The following KIF3B variants were observed in gnomAD, a reference collection of about 807,000 sequenced individuals.
KIF3B encodes the protein kinesin family member 3B.
Under a neutral mutation model 74.3 loss-of-function variants are expected in KIF3B, and 38 were observed. That is an observed-to-expected ratio of 0.51 (90% CI 0.39 to 0.67). KIF3B has a LOEUF of 0.67. Among genes scored for constraint, KIF3B ranks in the 30% least tolerant of loss-of-function variants. KIF3B has a pLI of 0.00. For missense variants in KIF3B, 649 were observed against 932.0 expected (o/e 0.70, Z 3.95); for synonymous variants, 326 against 342.5 (o/e 0.95, Z 0.53).
chr20:32,286,079 T>G (rs1406039462), intron 1 of KIF3B, among the ~76,000 whole-genome samples: 3 of 152,190 alleles, frequency 2.0e-5, no homozygotes, highest in Non-Finnish European at 4.4e-5. Flanking sequence ...ATTTTTAAAG[T>G]TTTTGGCAAG....
chr20:32,320,063 T>A (rs2047851672), intron 5 of KIF3B, among the ~76,000 whole-genome samples: 1 of 151,808 alleles, frequency 6.6e-6, no homozygotes, highest in Non-Finnish European at 1.5e-5. Flanking sequence ...CCCAGCTAAT[T>A]TTTGTATTTT....
In KIF3B at chr20:32,310,836, C is replaced by T; in HGVS notation, c.1059C>T (p.Ala353=). The T allele has an allele frequency of 6.2e-7, 1 of 1,614,008 alleles. No homozygotes were observed. Among genetic ancestry groups the T allele is most frequent in the South Asian group, 1.1e-5 (1 of 91,074 alleles). ...GGGTCAATGAGGACCCCAAGGATGC[C>T]CTCCTTCGAGAATTCCAGGAAGAGA... ...KPRVNEDPKD[A]LLREFQEEIA... The change falls in exon 2 of 9, where the codon GCC becomes GCT. Residue 353 remains alanine, a synonymous_variant. Coordinates refer to ENST00000375712, the MANE Select transcript of KIF3B (RefSeq NM_004798.4). The surrounding 1 kb of genome is among the most constrained non-coding windows in gnomAD (Gnocchi z 6.5).
At chr20:32,288,353 A>G (rs1431788182) in intron 1 of KIF3B, among the ~76,000 whole-genome samples, 1 of 152,052 alleles carries the variant, frequency 6.6e-6, no homozygotes, top group African/African-American at 2.4e-5. Context: ...ACCCGGGTGC[A>G]GTGGCTTGCA....
At chr20:32,292,656 G>T (rs1405071844) in intron 1 of KIF3B, among the ~76,000 whole-genome samples, 1 of 151,870 alleles carries the variant, frequency 6.6e-6, no homozygotes, top group East Asian at 1.9e-4. Flanking sequence ...TACTCTGGAG[G>T]CTGAGGTGGG....
At chr20:32,302,404 A>G (rs2047748476) in intron 1 of KIF3B, among the ~76,000 whole-genome samples, 1 of 152,222 alleles carries the variant, frequency 6.6e-6, no homozygotes, top group African/African-American at 2.4e-5. Context: ...GATTTTTAAG[A>G]TTAATGTAGG....
intron 1 of KIF3B, among the ~76,000 whole-genome samples, chr20:32,304,557 T>C (rs1353688742): frequency 1.3e-5 from 2 of 152,122 alleles, no homozygotes; most frequent in African/African-American, 4.8e-5. Context: ...AGCAGTGACA[T>C]AAATTATGGT....
At chr20:32,293,148 G>A (rs2047701203) in intron 1 of KIF3B, among the ~76,000 whole-genome samples, 1 of 151,932 alleles carries the variant, frequency 6.6e-6, no homozygotes, top group Non-Finnish European at 1.5e-5. Flanking sequence ...CAGGTACTTG[G>A]GAGTCTGAGG....
At position 32,316,063 on chromosome 20, in the gene KIF3B, A is replaced by G. The variant is rs553620177; in HGVS notation, c.1405-155A>G. 7.2e-5 allele frequency among the ~76,000 whole-genome samples: 11 copies of G among 152,240 alleles called. No homozygotes were observed. In the South Asian group the frequency reaches 8.3e-4, roughly 11 times the overall value. ...AAGCTGCCCCAGTCCCTCACCAGTG[A>G]TGGATGGGCACAGCTGAGCACAGTG... On this transcript the variant is annotated intron_variant, in intron 2 of 8. Transcript: ENST00000375712.
intron 3 of KIF3B, 90 bp from the exon 4 acceptor site, chr20:32,316,437 A>G: frequency 6.3e-7 from 1 of 1,586,118 alleles, no homozygotes; most frequent in Non-Finnish European, 8.6e-7. Flanking sequence ...TGTCTGCCTC[A>G]TCCTAGCTGG....
rs1379506082 is a variant in KIF3B, at chr20:32,328,150, G to A, written c.1968+489G>A. Among the ~76,000 whole-genome samples the A allele has an allele frequency of 4.6e-5, 7 of 151,952 alleles. 2 individuals are homozygous for A. In the South Asian group the frequency reaches 8.3e-4, roughly 18 times the overall value. The stretch of plus-strand genomic sequence containing the variant: ...AAAAATAATAACTAATAGGCCGGGC[G>A]CAGTGGCTGATGCCTGTAATCCCAG... On this transcript the variant is annotated intron_variant, in intron 7 of 8. Transcript: ENST00000375712.
chr20:32,312,745 T>C (rs941801222), intron 2 of KIF3B, among the ~76,000 whole-genome samples: 51 of 152,192 alleles, frequency 3.4e-4, no homozygotes, highest in African/African-American at 1.1e-3. Flanking sequence ...TGAATGCTCT[T>C]GTGCTTGGCT....
In KIF3B at chr20:32,306,447, A is replaced by G. The variant is rs571293827; in HGVS notation, c.-65-3266A>G. On this transcript the variant is annotated intron_variant, in intron 1 of 8. Transcript: ENST00000375712. Reference sequence around the variant, plus strand: ...GAGTGCTTTTTATGTAATGCATTATACCACATCCTTATTTATTTGCACACA... The same window carrying G: ...GAGTGCTTTTTATGTAATGCATTATGCCACATCCTTATTTATTTGCACACA... Among the ~76,000 whole-genome samples, 8 of 152,242 alleles carry G rather than the reference A, an allele frequency of 5.3e-5. No individual in the cohort carries two copies. In the South Asian group the frequency reaches 1.7e-3, roughly 32 times the overall value.
chr20:32,308,227 C>G (rs1230798306), intron 1 of KIF3B, among the ~76,000 whole-genome samples: 1 of 152,186 alleles, frequency 6.6e-6, no homozygotes, highest in East Asian at 1.9e-4. Flanking sequence ...CAGAGCGAGA[C>G]TCCGTCTCAA....
intron 1 of KIF3B, among the ~76,000 whole-genome samples, chr20:32,303,436 G>A (rs1354318679): frequency 6.6e-6 from 1 of 151,918 alleles, no homozygotes. Flanking sequence ...CTGGTGGCGG[G>A]TGCTTGTGAT....
At chr20:32,305,170 A>C (rs571990454) in intron 1 of KIF3B, among the ~76,000 whole-genome samples, 76 of 151,676 alleles carry the variant, frequency 5.0e-4, no homozygotes, top group African/African-American at 1.4e-3. Flanking sequence ...AACAAAAAAA[A>C]CCCAAAAAAA....
intron 1 of KIF3B, among the ~76,000 whole-genome samples, chr20:32,303,727 C>T (rs573758761): frequency 6.9e-6 from 1 of 145,950 alleles, no homozygotes; most frequent in South Asian, 2.2e-4. Flanking sequence ...TGTTGGTGGG[C>T]ACCTGTAATC....
intron 1 of KIF3B, among the ~76,000 whole-genome samples, chr20:32,305,904 A>G (rs2047768109): frequency 6.6e-6 from 1 of 151,256 alleles, no homozygotes; most frequent in East Asian, 1.9e-4. Flanking sequence ...TTGCATTCCA[A>G]TTCTATTAAA....
intron 1 of KIF3B, among the ~76,000 whole-genome samples, chr20:32,307,701 G>A (rs2047778589): frequency 6.6e-6 from 1 of 152,024 alleles, no homozygotes; most frequent in Middle Eastern, 3.2e-3. Flanking sequence ...GGAGGCCGAG[G>A]TGGGTGGATC....
chr20:32,299,532 T>TA (rs1264833239), intron 1 of KIF3B, among the ~76,000 whole-genome samples: 1 of 148,588 alleles, frequency 6.7e-6, no homozygotes, highest in East Asian at 2.0e-4. Flanking sequence ...GTGCCTCAGC[T>TA]TCCTAAGTAG....
Sources: allele counts gnomAD v4.1 joint callset (sites outside exome capture counted in the v4.1 genomes callset), GRCh38; gene constraint gnomAD v4.1.1; non-coding constraint Gnocchi (gnomAD v3.1); transcripts MANE v1.5; gene names NCBI Gene and HGNC (gene_info 2026-07-23, HGNC 2026-07-21).